The following EXOC4 variants were observed in gnomAD, a reference collection of about 807,000 sequenced individuals.
EXOC4 encodes exocyst complex component 4, also known as SEC8-like 1.
Under a neutral mutation model 107.2 loss-of-function variants are expected in EXOC4, and 71 were observed. The observed-to-expected ratio is 0.66, with a 90% CI of 0.55 to 0.81. The LOEUF is 0.81. EXOC4 is among the 30% of genes least tolerant of loss of function. The probability of loss-of-function intolerance (pLI) is 0.00; values close to 1 mark genes in which losing one functional copy is unlikely to be tolerated. For synonymous variants in EXOC4, 456 were observed against 441.2 expected (o/e 1.03, Z -0.42); for missense variants, 1,108 against 1,189.6 (o/e 0.93, Z 1.01).
At chr7:133,405,749 A>G (rs144348425) in intron 7 of EXOC4, among the ~76,000 whole-genome samples, 65 of 152,328 alleles carry the variant, frequency 4.3e-4, no homozygotes, top group African/African-American at 1.5e-3. Flanking sequence ...AATAACAATG[A>G]TAGTAGTATG....
intron 12 of EXOC4, among the ~76,000 whole-genome samples, chr7:133,914,620 G>C (rs1174942606): frequency 7.4e-6 from 1 of 134,742 alleles, no homozygotes; most frequent in Non-Finnish European, 1.6e-5. Context: ...AAAGCCTTAA[G>C]CCAAAAATAA....
intron 10 of EXOC4, among the ~76,000 whole-genome samples, chr7:133,659,760 G>A (rs1045585679): frequency 3.3e-5 from 5 of 152,096 alleles, no homozygotes; most frequent in Admixed American, 2.0e-4. Flanking sequence ...TTCCCATTTG[G>A]TGCTACACTA....
intron 10 of EXOC4, among the ~76,000 whole-genome samples, chr7:133,749,429 G>C (rs1795744195): frequency 6.6e-6 from 1 of 152,066 alleles, no homozygotes. Flanking sequence ...GTCTCACTCT[G>C]TCTCTCATTG....
At chr7:133,295,650 A>G (rs77032926) in intron 3 of EXOC4, among the ~76,000 whole-genome samples, 2,495 of 152,274 alleles carry the variant, frequency 0.016, 76 homozygotes, top group African/African-American at 0.057. Flanking sequence ...CCAGTGGACC[A>G]GTGAGGTTGC....
rs151118082 is a variant in EXOC4, at chr7:133,682,774, C to T, written c.1514+52633C>T. Among the ~76,000 whole-genome samples, 7 of 152,304 alleles carry T rather than the reference C, an allele frequency of 4.6e-5. 1 individual carries two copies. The highest frequency in any genetic ancestry group is 1.7e-4 in the African/African-American group (7 of 41,548). ...GTAAAGTAGTGGCAAACATCAGACG[C>T]TTTTACCACCACATAGAGTTTGAGG... On this transcript the variant is annotated intron_variant, in intron 10 of 17. Coordinates refer to ENST00000253861, the MANE Select transcript of EXOC4 (RefSeq NM_021807.4).
chr7:133,873,318 CAT>C (rs1585213925), intron 11 of EXOC4, among the ~76,000 whole-genome samples: 1 of 152,202 alleles, frequency 6.6e-6, no homozygotes, highest in African/African-American at 2.4e-5. Flanking sequence ...TGTTTTTCGG[CAT>C]ATGTCTCATC....
chr7:133,829,616 C>G (rs114672473), intron 11 of EXOC4, among the ~76,000 whole-genome samples: 6,067 of 152,268 alleles, frequency 0.04, 423 homozygotes, highest in African/African-American at 0.14. Flanking sequence ...CTGACTTTCT[C>G]GGATAAATAT....
intron 13 of EXOC4, among the ~76,000 whole-genome samples, chr7:133,924,550 G>C (rs945441720): frequency 6.6e-6 from 1 of 152,102 alleles, no homozygotes; most frequent in Non-Finnish European, 1.5e-5. Context: ...TCACTGAGTT[G>C]TATCACTTTC....
At chr7:133,663,688 G>A (rs10275595) in intron 10 of EXOC4, among the ~76,000 whole-genome samples, 150,180 of 152,210 alleles carry the variant, frequency 0.99, 74,128 homozygotes, top group Middle Eastern at 1. Flanking sequence ...TGGCTTTTCA[G>A]AAAATATCCA....
At chr7:133,454,570 T>G (rs1798421407) in intron 7 of EXOC4, among the ~76,000 whole-genome samples, 1 of 152,230 alleles carries the variant, frequency 6.6e-6, no homozygotes. Flanking sequence ...GTGCTGGGAT[T>G]ATAGGCGTGA....
chr7:133,403,274 A>G (rs545334344), intron 7 of EXOC4, among the ~76,000 whole-genome samples: 2 of 152,352 alleles, frequency 1.3e-5, no homozygotes, highest in South Asian at 2.1e-4. Flanking sequence ...CATGCCTGCT[A>G]TCCATAAGCA....
chr7:133,649,467 C>T lies in EXOC4; in HGVS notation c.1514+19326C>T, dbSNP rs73726940. Among the ~76,000 whole-genome samples, 185 of 85,174 alleles carry T rather than the reference C, an allele frequency of 2.2e-3. 5 individuals are homozygous for T. Among genetic ancestry groups the T allele is most frequent in the East Asian group, 2.9e-3 (5 of 1,746 alleles). The allele number at this position is 85,174 out of a possible 152,430, so 55.9% of individuals were successfully genotyped here. A position where few individuals can be genotyped will look rare whatever the true frequency, so the allele number is the denominator to read the frequency against. On this transcript the variant is annotated intron_variant, in intron 10 of 17. Coordinates refer to ENST00000253861, the MANE Select transcript of EXOC4 (RefSeq NM_021807.4). Reference sequence around the variant, plus strand: ...TGTGTGTGAAGCATTACTACTTTTTCTTTTTTTTTTTTTTTTTTAACCAGT... The same window carrying T: ...TGTGTGTGAAGCATTACTACTTTTTTTTTTTTTTTTTTTTTTTTAACCAGT...
intron 12 of EXOC4, among the ~76,000 whole-genome samples, chr7:133,909,582 T>C (rs553022326): frequency 2.6e-5 from 4 of 152,186 alleles, no homozygotes; most frequent in South Asian, 2.1e-4. Flanking sequence ...GGTAGAGGGG[T>C]CGGATCATTT....
intron 7 of EXOC4, among the ~76,000 whole-genome samples, chr7:133,429,998 C>T (rs1797818914): frequency 6.6e-6 from 1 of 152,200 alleles, no homozygotes; most frequent in African/African-American, 2.4e-5. Flanking sequence ...AATTAATGCT[C>T]TTTTAGCAGT....
At chr7:133,488,033 G>A (rs1472237163) in intron 9 of EXOC4, among the ~76,000 whole-genome samples, 1 of 151,986 alleles carries the variant, frequency 6.6e-6, no homozygotes, top group Non-Finnish European at 1.5e-5. Context: ...GTAATTATTA[G>A]AAACAGATGA....
chr7:133,694,480 A>G (rs781075596), intron 10 of EXOC4, among the ~76,000 whole-genome samples: 2 of 152,194 alleles, frequency 1.3e-5, no homozygotes, highest in African/African-American at 4.8e-5. Context: ...CTTGCAACCT[A>G]AAAGAAACAG....
chr7:133,529,904 T>C (rs1800149631), intron 9 of EXOC4, among the ~76,000 whole-genome samples: 1 of 152,182 alleles, frequency 6.6e-6, no homozygotes, highest in African/African-American at 2.4e-5. Flanking sequence ...GTGCTTTCTT[T>C]GCAACTGGAG....
intron 14 of EXOC4, among the ~76,000 whole-genome samples, chr7:133,942,688 A>G (rs1585266006): frequency 6.6e-6 from 1 of 152,230 alleles, no homozygotes; most frequent in East Asian, 1.9e-4. Flanking sequence ...TAGAGCCACT[A>G]ATTGGACCGT....
Position 133,480,038 on chromosome 7 carries a change from G to A in EXOC4, c.1329-12G>A, listed in dbSNP as rs189841429. ...ACACCTGCTTGTCTGTTTCCCCTGT[G>A]TTTCTCTGCAGGTTCGAATCGTCCT... On this transcript the variant is annotated splice_polypyrimidine_tract_variant and intron_variant, in intron 8 of 17. Transcript: ENST00000253861. The A allele has an allele frequency of 9.2e-5, 148 of 1,612,298 alleles. 3 individuals are homozygous for A. In the East Asian group the frequency reaches 1.5e-3, roughly 16 times the overall value.
Sources: allele counts gnomAD v4.1 joint callset (sites outside exome capture counted in the v4.1 genomes callset), GRCh38; gene constraint gnomAD v4.1.1; transcripts MANE v1.5; gene names NCBI Gene and HGNC (gene_info 2026-07-23, HGNC 2026-07-21).